Variants in DNAH6 observed in about 807,000 individuals in gnomAD.
DNAH6 encodes the protein dynein axonemal heavy chain 6.
DNAH6 carries 340 observed loss-of-function variants against 491.4 expected under a neutral mutation model. That is an observed-to-expected ratio of 0.69 (90% CI 0.63 to 0.76). DNAH6 has a LOEUF of 0.76. Ranked by LOEUF, DNAH6 falls within the 30% of genes least tolerant of loss-of-function variation. The pLI is 0.00. For synonymous variants in DNAH6, 1,603 were observed against 1,686.1 expected, an observed-to-expected ratio of 0.95 and a Z score of 1.21; for missense variants, 4,443 against 4,972.2, an observed-to-expected ratio of 0.89 and a Z score of 3.20.
At chr2:84,500,625 A>G in the DNAH6 span, among the ~76,000 whole-genome samples, 1 of 152,176 alleles carries the variant, frequency 6.6e-6, no homozygotes, top group Non-Finnish European at 1.5e-5. Flanking sequence ...TTTAGGTAGT[A>G]TAGATATTTT....
chr2:84,601,072 A>ATAATAATAACGTTATT, intron 18 of DNAH6, among the ~76,000 whole-genome samples: 4 of 149,370 alleles, frequency 2.7e-5, no homozygotes, highest in African/African-American at 7.3e-5. Context: ...TACTATAAGG[A>ATAATAATAACGTTATT]ATCCTTGTAG....
chr2:84,686,966 G>A lies in DNAH6; in HGVS notation c.7137+409G>A, dbSNP rs572419018. 6.6e-5 allele frequency among the ~76,000 whole-genome samples: 10 copies of A among 152,254 alleles called. No homozygotes were observed. The South Asian group carries it at 1.5e-3, about 22-fold the overall frequency. On this transcript the variant is annotated intron_variant, in intron 44 of 76. Transcript: ENST00000389394. ...TCAGGTATTCAGTTTGGAAGGAAGC[G>A]GAGAGGTCTAGTCTTTTAACTCAGG...
chr2:84,622,349 A>G (rs1687475883), intron 26 of DNAH6, among the ~76,000 whole-genome samples: 1 of 151,976 alleles, frequency 6.6e-6, no homozygotes, highest in Non-Finnish European at 1.5e-5. Context: ...CTTTTTTAAG[A>G]GACAGGATCT....
the DNAH6 span, among the ~76,000 whole-genome samples, chr2:84,496,102 A>T: frequency 6.6e-6 from 1 of 152,162 alleles, no homozygotes; most frequent in Admixed American, 6.5e-5. Context: ...CCCCAAATCT[A>T]TCACTTTACC....
chr2:84,534,351 C>G (rs1677474853), intron 4 of DNAH6, among the ~76,000 whole-genome samples: 1 of 152,068 alleles, frequency 6.6e-6, no homozygotes, highest in African/African-American at 2.4e-5. Context: ...TGTCAAACTT[C>G]CTGAATTCAG....
chr2:84,812,800 C>G (rs1367661766), intron 73 of DNAH6, among the ~76,000 whole-genome samples: 1 of 152,128 alleles, frequency 6.6e-6, no homozygotes, highest in Admixed American at 6.5e-5. Context: ...ATAGACCAAC[C>G]AAGATGAGTC....
Position 84,622,889 on chromosome 2 carries a change from A to G in DNAH6, c.4071+1338A>G, listed in dbSNP as rs113274738. Among the ~76,000 whole-genome samples, 1,358 of 152,256 alleles carry G rather than the reference A, an allele frequency of 8.9e-3. 12 individuals are homozygous for G. The highest frequency in any genetic ancestry group is 0.031 in the African/African-American group (1,276 of 41,550). On this transcript the variant is annotated intron_variant, in intron 26 of 76. Coordinates refer to ENST00000389394, the MANE Select transcript of DNAH6 (RefSeq NM_001370.2). ...GTCACCCTAACAGTTATGAGGTGAC[A>G]TCTCATTATGTTTTTGATTTGCATT...
chr2:84,684,032 A>G (rs944407017), intron 42 of DNAH6, among the ~76,000 whole-genome samples: 1 of 152,134 alleles, frequency 6.6e-6, no homozygotes, highest in Non-Finnish European at 1.5e-5. Flanking sequence ...CCAACTCCCG[A>G]TCTGAAGGCT....
chr2:84,667,675 A>G (rs1275938646), intron 37 of DNAH6, among the ~76,000 whole-genome samples: 1 of 152,202 alleles, frequency 6.6e-6, no homozygotes, highest in Non-Finnish European at 1.5e-5. Flanking sequence ...TGTGGAAGAC[A>G]GTGTGGCGAT....
intron 4 of DNAH6, among the ~76,000 whole-genome samples, chr2:84,543,627 C>T (rs1212834398): frequency 6.6e-6 from 1 of 152,056 alleles, no homozygotes; most frequent in Non-Finnish European, 1.5e-5. Context: ...CCTGTCCTTT[C>T]TTCTGTTTTT....
chr2:84,631,627 G>A (rs1688405626), intron 29 of DNAH6, among the ~76,000 whole-genome samples: 1 of 152,126 alleles, frequency 6.6e-6, no homozygotes, highest in Non-Finnish European at 1.5e-5. Context: ...AAGATACACA[G>A]GAGGTGGAGA....
chr2:84,648,159 G>A (rs936946965), intron 33 of DNAH6, among the ~76,000 whole-genome samples: 1 of 152,292 alleles, frequency 6.6e-6, no homozygotes, highest in African/African-American at 2.4e-5. Flanking sequence ...TGTTCTAAAT[G>A]AGAAAAGGGC....
chr2:84,716,984 A>G (rs968285536), intron 58 of DNAH6, among the ~76,000 whole-genome samples: 17 of 152,010 alleles, frequency 1.1e-4, no homozygotes, highest in Admixed American at 2.6e-4. Context: ...TCTCATTGCA[A>G]TTTTCCTCAG....
chr2:84,698,043 C>T (rs574845954), intron 47 of DNAH6, among the ~76,000 whole-genome samples: 2 of 152,230 alleles, frequency 1.3e-5, no homozygotes, highest in African/African-American at 4.8e-5. Context: ...CTACCTGTGG[C>T]GGGCTGAAGG....
At chr2:84,590,498 CAAA>C (rs35787415) in intron 16 of DNAH6, among the ~76,000 whole-genome samples, 2 of 97,938 alleles carry the variant, frequency 2.0e-5, no homozygotes, top group Non-Finnish European at 3.8e-5. Context: ...GGCTCCATTT[CAAA>C]AAAAAAAAAA....
chr2:84,533,748 C>A (rs1285220205), intron 4 of DNAH6, among the ~76,000 whole-genome samples: 1 of 152,138 alleles, frequency 6.6e-6, no homozygotes, highest in Non-Finnish European at 1.5e-5. Context: ...AAACACTCAG[C>A]CTTGCAGCTT....
intron 11 of DNAH6, among the ~76,000 whole-genome samples, chr2:84,571,427 G>T (rs1342237833): frequency 6.6e-6 from 1 of 152,202 alleles, no homozygotes; most frequent in Non-Finnish European, 1.5e-5. Context: ...TACCAGTAAT[G>T]AGACAACAAA....
chr2:84,715,621 T>C lies in DNAH6; in HGVS notation c.9605T>C (p.Leu3202Ser), dbSNP rs1249437516. 1 of 1,551,502 alleles carries C rather than the reference T, an allele frequency of 6.4e-7. No homozygotes were observed. Among genetic ancestry groups the C allele is most frequent in the East Asian group, 2.4e-5 (1 of 40,916 alleles). ...ACAAAATCAGGCCTGGAGGATCAGT[T>C]GTTAAGGTAAAAAAACAGGGAGTTG... ...TVTKSGLEDQ[L>S]LSDVVRLEKP... Residue 3202 changes from leucine (L) to serine (S), a missense_variant, in exon 58 of 77, where the codon TTG becomes TCG. Leu to Ser is a moderately radical substitution (Grantham distance 145). Transcript: ENST00000389394.
chr2:84,598,127 T>TTTTCTTTCCTTCTTTC (rs1684806336), intron 18 of DNAH6, among the ~76,000 whole-genome samples: 1 of 109,314 alleles, frequency 9.1e-6, no homozygotes, highest in Non-Finnish European at 1.9e-5. Context: ...TCTATCTTTC[T>TTTTCTTTCCTTCTTTC]TTTCTTTCTT....
Sources: allele counts gnomAD v4.1 joint callset (sites outside exome capture counted in the v4.1 genomes callset), GRCh38; gene constraint gnomAD v4.1.1; transcripts MANE v1.5; gene names NCBI Gene and HGNC (gene_info 2026-07-23, HGNC 2026-07-21).